The following TBC1D16 variants were observed in gnomAD, a reference collection of about 807,000 sequenced individuals.
TBC1D16 encodes TBC1 domain family member 16, also known as CTD-2529O21.1.
Under a neutral mutation model 74.7 loss-of-function variants are expected in TBC1D16, and 58 were observed. The observed-to-expected ratio is 0.78, with a 90% CI of 0.63 to 0.97. The LOEUF is 0.97. Ranked by LOEUF, TBC1D16 falls within the 50% of genes least tolerant of loss-of-function variation. TBC1D16 has a pLI of 0.00. For synonymous variants in TBC1D16, 493 were observed against 474.7 expected (o/e 1.04, Z -0.50); for missense variants, 1,014 against 1,079.5 (o/e 0.94, Z 0.85).
At chr17:79,984,172 C>G (rs1361517079) in intron 3 of TBC1D16, among the ~76,000 whole-genome samples, 2 of 152,140 alleles carry the variant, frequency 1.3e-5, no homozygotes, top group African/African-American at 2.4e-5. Flanking sequence ...CAGGCATCTG[C>G]CAGCACGCCC....
At position 80,010,626 on chromosome 17, in the gene TBC1D16, CG is replaced by C; in HGVS notation, c.312del (p.Val105PhefsTer30). On this transcript the variant is annotated frameshift_variant, in exon 3 of 12. Transcript: ENST00000310924. LOFTEE classifies it high-confidence loss of function. This position sits in a 1 kb window ranked among gnomAD's most constrained non-coding sequence, Gnocchi z 8.8. Reference sequence around the variant, plus strand: ...CCCCGAGGGCGGGGTGCCTTGCGAACGGGGGAGCTCTCGGGTGTGATGTAGC... The same window carrying C: ...CCCCGAGGGCGGGGTGCCTTGCGAACGGGGAGCTCTCGGGTGTGATGTAGC... Reference protein sequence around the residue: ...ALRYITPESSPVRKAPRPRGR... With the variant: ...ALRYITPESSXVRKAPRPRGR... The C allele has an allele frequency of 6.3e-7, 1 of 1,575,968 alleles. No individual in the cohort carries two copies. The highest frequency in any genetic ancestry group is 8.6e-7 in the Non-Finnish European group (1 of 1,163,892).
rs918991356 is a variant in TBC1D16 at position 79,944,349 on chromosome 17, G to A, written c.1908+559C>T. 2.0e-5 allele frequency among the ~76,000 whole-genome samples: 3 copies of A among 152,190 alleles called. No homozygotes were observed. The highest frequency in any genetic ancestry group is 4.4e-5 in the Non-Finnish European group (3 of 68,030). On this transcript the variant is annotated intron_variant, in intron 10 of 11. Coordinates refer to ENST00000310924, the MANE Select transcript of TBC1D16 (RefSeq NM_019020.4). The surrounding 1 kb of genome is among the most constrained non-coding windows in gnomAD (Gnocchi z 7.7). ...TCTCCAGCTTGTCCCTAGTTTGGGCGTTAAGGCCATGTGACAGAGCCAGTG... is the reference window on the plus strand; with the variant it reads ...TCTCCAGCTTGTCCCTAGTTTGGGCATTAAGGCCATGTGACAGAGCCAGTG...
chr17:79,947,430 G>A (rs145332776), intron 9 of TBC1D16, among the ~76,000 whole-genome samples: 7 of 152,230 alleles, frequency 4.6e-5, no homozygotes, highest in African/African-American at 1.4e-4. Flanking sequence ...CACACAACGC[G>A]GCCTCTGGAC....
At chr17:80,016,467 G>A (rs1375027805) in intron 1 of TBC1D16, among the ~76,000 whole-genome samples, 3 of 152,180 alleles carry the variant, frequency 2.0e-5, no homozygotes. Flanking sequence ...ATCTATTAGT[G>A]GAGGGTCTCC....
At chr17:80,021,764 A>T (rs1166087444) in intron 1 of TBC1D16, among the ~76,000 whole-genome samples, 1 of 147,822 alleles carries the variant, frequency 6.8e-6, no homozygotes, top group Non-Finnish European at 1.5e-5. Flanking sequence ...CATCACACAC[A>T]CAACCCCATA....
At chr17:80,017,680 CAAAAAAAAAAA>C (rs57336950) in intron 1 of TBC1D16, among the ~76,000 whole-genome samples, 4 of 84,846 alleles carry the variant, frequency 4.7e-5, no homozygotes, top group South Asian at 4.3e-4. Context: ...GACTCCATCT[CAAAAAAAAAAA>C]AAAAAAAAAA....
rs71387957 is a variant in TBC1D16 at position 79,933,329 on chromosome 17, C to G, written c.*7530G>C. On this transcript the variant is annotated 3_prime_UTR_variant, in exon 12 of 12. Transcript: ENST00000310924. ...GTCTCACTGGGACGAAGAGGGGGCA[C>G]AGATGCAGGTATGCCCAGGTACCTG... The G allele has an allele frequency of 0.027, 4,115 of 152,246 alleles. 100 individuals carry two copies. Among genetic ancestry groups the G allele is most frequent in the Middle Eastern group, 0.12 (34 of 294 alleles). The allele number at this position is 152,246 out of a possible 1,614,324, so 9.4% of individuals were successfully genotyped here. A position where few individuals can be genotyped will look rare whatever the true frequency, so the allele number is the denominator to read the frequency against.
chr17:80,006,039 C>T (rs539155718), intron 3 of TBC1D16, among the ~76,000 whole-genome samples: 3 of 152,166 alleles, frequency 2.0e-5, no homozygotes, highest in South Asian at 4.2e-4. Context: ...GACTCAACTC[C>T]GGGTTAATTA....
chr17:80,015,413 G>A (rs575962720), intron 1 of TBC1D16, among the ~76,000 whole-genome samples: 4 of 152,190 alleles, frequency 2.6e-5, no homozygotes, highest in African/African-American at 7.2e-5. Context: ...CAGCCTGGGC[G>A]ACAGAGTGAG....
At chr17:79,960,915 T>C (rs1022014885) in intron 3 of TBC1D16, among the ~76,000 whole-genome samples, 1 of 151,482 alleles carries the variant, frequency 6.6e-6, no homozygotes, top group Non-Finnish European at 1.5e-5. Flanking sequence ...GGAGAACTGT[T>C]TGGCAGTGTC....
rs199508860 is a variant in TBC1D16, at chr17:79,942,184, A to T, written c.1931T>A (p.Ile644Asn). The change falls in exon 11 of 12, where the codon ATC (isoleucine) becomes AAC (asparagine). Residue 644 changes from isoleucine to asparagine, a missense_variant. Ile to Asn is a moderately radical substitution (Grantham distance 149, BLOSUM62 -3). Transcript: ENST00000310924. ...HYQTDYFHLF[I>N]CVAIVAIYGD... The stretch of plus-strand genomic sequence containing the variant: ...GTAGATGGCCACGATGGCCACGCAG[A>T]TGAAAAGGTGGAAGTAGTCCGTCTG... 114 of 1,605,374 alleles carry T rather than the reference A, an allele frequency of 7.1e-5. No individual in the cohort carries two copies. The highest frequency in any genetic ancestry group is 9.1e-5 in the Non-Finnish European group (107 of 1,176,308).
rs138290331 is a variant in TBC1D16, at chr17:79,990,907, G to A, written c.779+19253C>T. Reference sequence around the variant, plus strand: ...CCTCAACTCATCCGTGTTGCGGCGCGTGTCAGAATTGCCTTCCCAAGGCTG... The same window carrying A: ...CCTCAACTCATCCGTGTTGCGGCGCATGTCAGAATTGCCTTCCCAAGGCTG... On this transcript the variant is annotated intron_variant, in intron 3 of 11. Transcript: ENST00000310924. The surrounding 1 kb of genome is among the most constrained non-coding windows in gnomAD (Gnocchi z 4.8). Among the ~76,000 whole-genome samples, 3 of 152,316 alleles carry A rather than the reference G, an allele frequency of 2.0e-5. No homozygotes were observed. The highest frequency in any genetic ancestry group is 4.8e-5 in the African/African-American group (2 of 41,564).
intron 3 of TBC1D16, among the ~76,000 whole-genome samples, chr17:80,003,644 TAA>T (rs74270527): frequency 2.1e-3 from 277 of 132,592 alleles, no homozygotes; most frequent in African/African-American, 6.8e-3. Context: ...AACAGAAAAG[TAA>T]AAAAAAAAAA....
At chr17:79,978,055 C>CCATCTA in intron 3 of TBC1D16, among the ~76,000 whole-genome samples, 1 of 152,346 alleles carries the variant, frequency 6.6e-6, no homozygotes, top group African/African-American at 2.4e-5. Flanking sequence ...GGCGCACAGC[C>CCATCTA]GGCCGGATTC....
rs1193495430 is a variant in TBC1D16, at chr17:79,994,884, C to T, written c.779+15276G>A. Among the ~76,000 whole-genome samples the T allele has an allele frequency of 6.6e-6, 1 of 152,246 alleles. No individual in the cohort carries two copies. On this transcript the variant is annotated intron_variant, in intron 3 of 11. Transcript: ENST00000310924. The surrounding 1 kb of genome is among the most constrained non-coding windows in gnomAD (Gnocchi z 4.6). ...TGGTAAACAGAGAGAATGTAAAACA[C>T]TTCCCATCGGCGGCCGTGTATACTG...
intron 2 of TBC1D16, among the ~76,000 whole-genome samples, chr17:80,011,430 G>T: frequency 6.6e-6 from 1 of 152,128 alleles, no homozygotes; most frequent in East Asian, 1.9e-4. Context: ...CCTGCCTGCA[G>T]CCTCCCTGTC....
At chr17:79,977,609 C>T (rs1048779116) in intron 3 of TBC1D16, among the ~76,000 whole-genome samples, 2 of 152,246 alleles carry the variant, frequency 1.3e-5, no homozygotes, top group East Asian at 1.9e-4. Flanking sequence ...GTTGGCTGGA[C>T]GCTACGATCT....
Position 80,010,228 on chromosome 17 carries a change from G to C in TBC1D16, c.711C>G (p.Phe237Leu). 5.6e-6 allele frequency: 9 copies of C among 1,613,386 alleles called. No individual in the cohort carries two copies. The highest frequency in any genetic ancestry group is 7.6e-6 in the Non-Finnish European group (9 of 1,179,844). ...GCGCCGCGCTGATGGGCGAGAGGCA[G>C]AAGGGCGAGGAGAAGGTGTCTGAGT... ...DSDSDTFSSP[F>L]CLSPISAALA... Residue 237 changes from phenylalanine to leucine, a missense_variant, in exon 3 of 12, where the codon TTC (phenylalanine) becomes TTG (leucine). Phe to Leu is a conservative substitution (Grantham distance 22, BLOSUM62 0). Transcript: ENST00000310924. This position sits in a 1 kb window ranked among gnomAD's most constrained non-coding sequence, Gnocchi z 8.8.
rs2031613330 is a variant in TBC1D16 at position 79,936,730 on chromosome 17, A to G, written c.*4129T>C. 6.6e-6 allele frequency: 1 copy of G among 152,210 alleles called. No homozygotes were observed. Among genetic ancestry groups the G allele is most frequent in the Non-Finnish European group, 1.5e-5 (1 of 68,082 alleles). The allele number at this position is 152,210 out of a possible 1,614,324, so 9.4% of individuals were successfully genotyped here. On this transcript the variant is annotated 3_prime_UTR_variant, in exon 12 of 12. Coordinates refer to ENST00000310924, the MANE Select transcript of TBC1D16 (RefSeq NM_019020.4). ...GACAGGACAGAATGCTTTCACACCCAGGAACGGCCGTGCAGCCTGGCTTAG... is the reference window on the plus strand; with the variant it reads ...GACAGGACAGAATGCTTTCACACCCGGGAACGGCCGTGCAGCCTGGCTTAG...
Sources: allele counts gnomAD v4.1 joint callset (sites outside exome capture counted in the v4.1 genomes callset), GRCh38; gene constraint gnomAD v4.1.1; non-coding constraint Gnocchi (gnomAD v3.1); transcripts MANE v1.5; gene names NCBI Gene and HGNC (gene_info 2026-07-23, HGNC 2026-07-21).